RELN: variants seen among roughly 807,000 people sequenced by gnomAD.
RELN encodes reelin.
RELN carries 108 observed loss-of-function variants against 427.6 expected under a neutral mutation model. The observed-to-expected ratio is 0.25, with a 90% confidence interval of 0.22 to 0.30. The LOEUF (loss-of-function observed/expected upper bound fraction) is 0.30, where lower values mean the gene tolerates loss of function less well. Ranked by LOEUF, RELN falls within the 10% of genes least tolerant of loss-of-function variation. The pLI, the probability that RELN is intolerant of heterozygous loss-of-function variation, is 1.00. For missense variants in RELN, 3,715 were observed against 4,302.8 expected (o/e 0.86, Z 3.82); for synonymous variants, 1,524 against 1,513.4 (o/e 1.01, Z -0.16).
intron 3 of RELN, among the ~76,000 whole-genome samples, chr7:103,818,689 A>C (rs534849535): frequency 6.6e-6 from 1 of 152,278 alleles, no homozygotes; most frequent in South Asian, 2.1e-4. Context: ...AAACAAGCAA[A>C]ATGTCCAGAA....
intron 2 of RELN, among the ~76,000 whole-genome samples, chr7:103,852,453 T>C (rs1793845879): frequency 6.6e-6 from 1 of 152,166 alleles, no homozygotes; most frequent in African/African-American, 2.4e-5. Flanking sequence ...GCTTCTCTTT[T>C]CTCACATATG....
intron 2 of RELN, among the ~76,000 whole-genome samples, chr7:103,897,700 T>C (rs1417175284): frequency 6.6e-6 from 1 of 152,058 alleles, no homozygotes; most frequent in Non-Finnish European, 1.5e-5. Context: ...GGATCTAGAA[T>C]TCTGCACACA....
chr7:103,661,865 T>C (rs1426141711), intron 11 of RELN, among the ~76,000 whole-genome samples: 2 of 152,144 alleles, frequency 1.3e-5, no homozygotes, highest in Admixed American at 6.5e-5. Context: ...GGGAAATCAA[T>C]GAACTAAGGA....
At position 103,892,063 on chromosome 7, in the gene RELN, A is replaced by G. The variant is rs77292758; in HGVS notation, c.337+25012T>C. Among the ~76,000 whole-genome samples the G allele has an allele frequency of 3.9e-3, 601 of 152,238 alleles. 22 individuals carry two copies. The East Asian group carries it at 0.072, about 18-fold the overall frequency. The stretch of plus-strand genomic sequence containing the variant: ...TTCAACATCTCCTTCCCCTACTCCA[A>G]CGTATTCGGACAAAGCCATACAACT... On this transcript the variant is annotated intron_variant, in intron 2 of 64. Coordinates refer to ENST00000428762, the MANE Select transcript of RELN (RefSeq NM_005045.4).
In RELN at chr7:103,988,937, A is replaced by C. The variant is rs1476616913; in HGVS notation, c.226+194T>G. The stretch of plus-strand genomic sequence containing the variant: ...GGAGATGCGTTCGGGGAGTGGGGAC[A>C]TGGAGAATGAATCCCAACTTGTGAC... On this transcript the variant is annotated intron_variant, in intron 1 of 64. Transcript: ENST00000428762. The surrounding 1 kb of genome is among the most constrained non-coding windows in gnomAD (Gnocchi z 4.9). Among the ~76,000 whole-genome samples, 1 of 152,188 alleles carries C rather than the reference A, an allele frequency of 6.6e-6. No homozygotes were observed. The highest frequency in any genetic ancestry group is 1.5e-5 in the Non-Finnish European group (1 of 68,030).
At position 103,673,091 on chromosome 7, in the gene RELN, G is replaced by C. The variant is rs1419763842; in HGVS notation, c.1289+9025C>G. On this transcript the variant is annotated intron_variant, in intron 11 of 64. Coordinates refer to ENST00000428762, the MANE Select transcript of RELN (RefSeq NM_005045.4). ...TTACTGTGAGAATCTCATTTAATAA[G>C]TGAATATAACTCACTCTAATTTATC... is the stretch of plus-strand genomic sequence containing the variant. Among the ~76,000 whole-genome samples the C allele has an allele frequency of 2.6e-5, 4 of 152,052 alleles. No individual in the cohort carries two copies. The East Asian group carries it at 7.7e-4, about 29-fold the overall frequency.
In RELN at chr7:103,515,270, T is replaced by A. The variant is rs772685735; in HGVS notation, c.8034A>T (p.Pro2678=). The change falls in exon 50 of 65, where the codon CCA becomes CCT. Residue 2678 remains proline (P), a synonymous_variant. Coordinates refer to ENST00000428762, the MANE Select transcript of RELN (RefSeq NM_005045.4). ...CAGGGGAGCGCTCATGCTGGGGTAC[T>A]GGGGCGCTGCTGAAGGTGTCCAGCA... The part of the protein sequence containing the change: ...TVMLDTFSSA[P]VPQHERSPAD... 1 of 1,614,196 alleles carries A rather than the reference T, an allele frequency of 6.2e-7. No individual in the cohort carries two copies. The highest frequency in any genetic ancestry group is 2.2e-5 in the East Asian group (1 of 44,880).
intron 1 of RELN, among the ~76,000 whole-genome samples, chr7:103,936,833 T>C (rs1188650291): frequency 3.3e-5 from 5 of 152,162 alleles, no homozygotes; most frequent in Non-Finnish European, 5.9e-5. Flanking sequence ...TCCCTAACTT[T>C]CCATGTGTTC....
At chr7:103,486,101 T>C in intron 61 of RELN, 96 bp downstream of exon 61, 1 of 1,136,140 alleles carries the variant, frequency 8.8e-7, no homozygotes, top group Non-Finnish European at 1.3e-6. Flanking sequence ...GTGACATCTG[T>C]GCCATGAAGT....
At chr7:103,585,777 T>A (rs926818999) in intron 28 of RELN, among the ~76,000 whole-genome samples, 1 of 151,966 alleles carries the variant, frequency 6.6e-6, no homozygotes, top group Middle Eastern at 3.2e-3. Flanking sequence ...CAGGCTAGTA[T>A]CCCTGATGAA....
At position 103,697,345 on chromosome 7, in the gene RELN, C is replaced by T. The variant is rs377116001; in HGVS notation, c.1143+508G>A. ...TATCTGATTTATAATTCTAGACACA[C>T]GATTCCTCCTTCCTGGCCAACTCCA... is the stretch of plus-strand genomic sequence containing the variant. On this transcript the variant is annotated intron_variant, in intron 10 of 64. Coordinates refer to ENST00000428762, the MANE Select transcript of RELN (RefSeq NM_005045.4). 7.9e-5 allele frequency among the ~76,000 whole-genome samples: 12 copies of T among 152,202 alleles called. No individual in the cohort carries two copies. In the East Asian group the frequency reaches 1.2e-3, roughly 15 times the overall value.
At chr7:103,562,189 G>T (rs181184646) in intron 34 of RELN, among the ~76,000 whole-genome samples, 1 of 152,146 alleles carries the variant, frequency 6.6e-6, no homozygotes, top group Admixed American at 6.5e-5. Flanking sequence ...TTTTTTTCAT[G>T]TAAGATTCTA....
chr7:103,695,487 A>C (rs941517106), intron 10 of RELN, among the ~76,000 whole-genome samples: 1 of 152,160 alleles, frequency 6.6e-6, no homozygotes, highest in African/African-American at 2.4e-5. Context: ...AAAGCAAAGC[A>C]TATTCCACAT....
intron 57 of RELN, among the ~76,000 whole-genome samples, chr7:103,494,422 T>C (rs1828768287): frequency 6.9e-6 from 1 of 145,534 alleles, no homozygotes; most frequent in Non-Finnish European, 1.5e-5. Flanking sequence ...TTGCCCTAGC[T>C]GGAGTGCAGT....
rs777074626 is a variant in RELN, at chr7:103,652,650, A to G, written c.1664T>C (p.Val555Ala). ...AACAGGCAAGACATGGAAAAAGTCT[A>G]CAGCCCAGACATTCCTATTATGTCC... ...HQGHNRNVWA[V>A]DFFHVLPVLP... Residue 555 changes from valine (V) to alanine (A), a missense_variant, in exon 14 of 65, where the codon GTA (valine) becomes GCA (alanine). By Grantham distance (64) the Val-to-Ala change is moderately conservative. Around this residue, in one of 4 missense-constraint regions of RELN, gnomAD observed 2,208 missense variants for 2,361.7 expected, o/e 0.93. Transcript: ENST00000428762. 1 of 1,612,944 alleles carries G rather than the reference A, an allele frequency of 6.2e-7. No individual in the cohort carries two copies. Among genetic ancestry groups the G allele is most frequent in the South Asian group, 1.1e-5 (1 of 91,058 alleles).
At chr7:103,634,010 T>G (rs1363143863) in intron 19 of RELN, among the ~76,000 whole-genome samples, 1 of 152,164 alleles carries the variant, frequency 6.6e-6, no homozygotes, top group Non-Finnish European at 1.5e-5. Context: ...GTATAACACT[T>G]ATAAGTTATA....
At chr7:103,761,928 G>GA (rs1235241671) in intron 4 of RELN, among the ~76,000 whole-genome samples, 1 of 152,168 alleles carries the variant, frequency 6.6e-6, no homozygotes, top group African/African-American at 2.4e-5. Context: ...AGGTTGGAAG[G>GA]AAAATCACTA....
intron 6 of RELN, among the ~76,000 whole-genome samples, chr7:103,741,656 CAA>C (rs1790661625): frequency 9.8e-6 from 1 of 101,600 alleles, no homozygotes; most frequent in Non-Finnish European, 2.1e-5. Flanking sequence ...GAGATGAAAG[CAA>C]GAGAAAGGGA....
chr7:103,686,756 A>G (rs1833772810), intron 10 of RELN, among the ~76,000 whole-genome samples: 1 of 152,170 alleles, frequency 6.6e-6, no homozygotes. Flanking sequence ...ATAGAAATAC[A>G]TATTTCCTAC....
Sources: allele counts gnomAD v4.1 joint callset (sites outside exome capture counted in the v4.1 genomes callset), GRCh38; gene constraint gnomAD v4.1.1; regional missense constraint gnomAD v4.1.1; non-coding constraint Gnocchi (gnomAD v3.1); transcripts MANE v1.5; gene names NCBI Gene and HGNC (gene_info 2026-07-23, HGNC 2026-07-21).